Variants in PDE1C observed in about 807,000 individuals in gnomAD.
PDE1C encodes phosphodiesterase 1C.
In PDE1C, 62 loss-of-function variants were observed where a neutral mutation model predicts 93.1. The observed-to-expected ratio is 0.67, with a 90% CI of 0.54 to 0.82. PDE1C has a LOEUF of 0.82. PDE1C is among the 40% of genes least tolerant of loss of function. The pLI is 0.00. For missense variants in PDE1C, 742 were observed against 884.6 expected (o/e 0.84, Z 2.04); for synonymous variants, 325 against 310.1 (o/e 1.05, Z -0.50).
intron 2 of PDE1C, among the ~76,000 whole-genome samples, chr7:31,936,268 G>T (rs1394295327): frequency 2.0e-5 from 3 of 152,140 alleles, no homozygotes; most frequent in Admixed American, 1.3e-4. Flanking sequence ...ACAGTAACAT[G>T]TATCCATGTC....
the PDE1C span, among the ~76,000 whole-genome samples, chr7:31,739,567 G>T: frequency 6.6e-6 from 1 of 152,282 alleles, no homozygotes; most frequent in South Asian, 2.1e-4. Flanking sequence ...AAAGAAAGTG[G>T]TTACTTGAAG....
At chr7:32,014,688 C>T (rs1431462497) in intron 2 of PDE1C, among the ~76,000 whole-genome samples, 1 of 152,144 alleles carries the variant, frequency 6.6e-6, no homozygotes, top group East Asian at 1.9e-4. Flanking sequence ...TCAACTCCCA[C>T]TTATGAGTGA....
chr7:32,186,086 TG>T (rs1350679234), intron 2 of PDE1C, among the ~76,000 whole-genome samples: 1 of 84,042 alleles, frequency 1.2e-5, no homozygotes, highest in African/African-American at 6.0e-5. Context: ...TTTGTTTTTT[TG>T]TTTTTTTTTT....
chr7:32,094,414 T>C (rs1359451140), intron 3 of PDE1C, among the ~76,000 whole-genome samples: 1 of 152,182 alleles, frequency 6.6e-6, no homozygotes, highest in Non-Finnish European at 1.5e-5. Flanking sequence ...ACATGATATT[T>C]TGCTTGACTG....
intron 2 of PDE1C, among the ~76,000 whole-genome samples, chr7:31,889,083 C>T (rs957072868): frequency 2.6e-5 from 4 of 152,146 alleles, no homozygotes; most frequent in African/African-American, 9.7e-5. Flanking sequence ...TGAATTCTCC[C>T]TAAATTCACC....
In PDE1C at chr7:32,383,171, T is replaced by G. The variant is rs533548087; in HGVS notation, c.310+44651A>C. ...TCAAAACATGAACTTCTCTTATGCT[T>G]ACTAAAAATCATAAGAGACTTGCCT... On this transcript the variant is annotated intron_variant, in intron 1 of 1. Transcript: ENST00000672256. Among the ~76,000 whole-genome samples the G allele has an allele frequency of 2.6e-5, 4 of 152,340 alleles. No individual in the cohort carries two copies. The South Asian group carries it at 8.3e-4, about 32-fold the overall frequency.
chr7:31,899,173 C>G (rs1799673302), intron 2 of PDE1C, among the ~76,000 whole-genome samples: 1 of 125,782 alleles, frequency 8.0e-6, no homozygotes, highest in Non-Finnish European at 1.6e-5. Flanking sequence ...GAGTCTTGCT[C>G]TGTCGCCCAG....
intron 3 of PDE1C, among the ~76,000 whole-genome samples, chr7:32,166,694 C>A (rs1022085167): frequency 2.0e-5 from 3 of 152,168 alleles, no homozygotes; most frequent in Non-Finnish European, 2.9e-5. Context: ...TTCAGCTATA[C>A]CCTCTGGCAT....
intron 9 of PDE1C, among the ~76,000 whole-genome samples, chr7:31,846,153 T>C (rs921837389): frequency 6.6e-6 from 1 of 152,124 alleles, no homozygotes; most frequent in Admixed American, 6.6e-5. Context: ...TTCTAAAGCT[T>C]GCATAATTGC....
At chr7:31,630,120 G>A in the PDE1C span, among the ~76,000 whole-genome samples, 1 of 151,008 alleles carries the variant, frequency 6.6e-6, no homozygotes, top group South Asian at 2.1e-4. Flanking sequence ...TTAATTCTTG[G>A]TGTTTGAAAT....
the PDE1C span, among the ~76,000 whole-genome samples, chr7:31,735,599 C>T: frequency 6.6e-6 from 1 of 152,124 alleles, no homozygotes; most frequent in Non-Finnish European, 1.5e-5. Flanking sequence ...TTTCAGTTTC[C>T]TCATCTGTCA....
intron 3 of PDE1C, among the ~76,000 whole-genome samples, chr7:32,163,116 C>G (rs763436880): frequency 6.6e-5 from 10 of 152,208 alleles, no homozygotes; most frequent in Non-Finnish European, 1.0e-4. Context: ...GAAGGCAACA[C>G]TAAGTCAGGA....
upstream of PDE1C, among the ~76,000 whole-genome samples, chr7:32,303,635 C>T (rs1041027096): frequency 4.6e-5 from 7 of 151,932 alleles, no homozygotes; most frequent in South Asian, 2.1e-4. Context: ...TCTAATTAAA[C>T]GGGGAAGATA....
intron 2 of PDE1C, among the ~76,000 whole-genome samples, chr7:32,015,295 T>A (rs374500056): frequency 1.4e-5 from 2 of 146,816 alleles, no homozygotes; most frequent in South Asian, 2.2e-4. Flanking sequence ...CAAATGAGTT[T>A]AAAAAAAAAA....
At chr7:32,122,057 G>T (rs1799330278) in intron 3 of PDE1C, among the ~76,000 whole-genome samples, 1 of 152,088 alleles carries the variant, frequency 6.6e-6, no homozygotes, top group Non-Finnish European at 1.5e-5. Context: ...CAAAAAAATA[G>T]CAAGGGCTGC....
chr7:31,936,902 T>C (rs1350007731), intron 2 of PDE1C, among the ~76,000 whole-genome samples: 1 of 152,166 alleles, frequency 6.6e-6, no homozygotes, highest in African/African-American at 2.4e-5. Flanking sequence ...GAGTTACAGC[T>C]TGCTTTTATA....
chr7:31,688,273 C>A, the PDE1C span, among the ~76,000 whole-genome samples: 1 of 152,182 alleles, frequency 6.6e-6, no homozygotes, highest in Non-Finnish European at 1.5e-5. Context: ...ATAACTGTCC[C>A]AAGTTCACCC....
At chr7:31,664,578 C>T in the PDE1C span, among the ~76,000 whole-genome samples, 6,843 of 152,222 alleles carry the variant, frequency 0.045, 490 homozygotes, top group African/African-American at 0.15. Flanking sequence ...TTTATGATGA[C>T]GACAATTAAG....
At chr7:32,077,688 A>G (rs1796429334) in intron 3 of PDE1C, among the ~76,000 whole-genome samples, 1 of 151,904 alleles carries the variant, frequency 6.6e-6, no homozygotes. Context: ...TCTCTGCCTC[A>G]GCCTCCTGAG....
Sources: gnomAD v4.1 joint callset for allele counts (sites outside exome capture counted in the v4.1 genomes callset) on GRCh38, gnomAD v4.1.1 for gene constraint, MANE v1.5 for transcripts, NCBI Gene and HGNC (gene_info 2026-07-23, HGNC 2026-07-21) for gene names.